Variants in NLGN2 observed in about 807,000 individuals in gnomAD.
NLGN2 encodes the protein neuroligin 2.
Under a neutral mutation model 48.6 loss-of-function variants are expected in NLGN2, and 11 were observed. The ratio of observed to expected loss-of-function variants is 0.23; its 90% CI spans 0.14 to 0.37. The LOEUF (loss-of-function observed/expected upper bound fraction) is 0.37, where lower values mean the gene tolerates loss of function less well. Ranked by LOEUF, NLGN2 falls within the 10% of genes least tolerant of loss-of-function variation. The probability of loss-of-function intolerance (pLI) is 1.00; values close to 1 mark genes in which losing one functional copy is unlikely to be tolerated. For missense variants in NLGN2, 801 were observed against 1,225.2 expected, an observed-to-expected ratio of 0.65 and a Z score of 5.17; for synonymous variants, 548 against 550.0, an observed-to-expected ratio of 1.00 and a Z score of 0.05.
chr17:7,415,709 C>T lies in NLGN2; in HGVS notation c.1236C>T (p.Asn412=), dbSNP rs144434883. The T allele has an allele frequency of 1.1e-4, 170 of 1,614,264 alleles. No homozygotes were observed. Among genetic ancestry groups the T allele is most frequent in the Non-Finnish European group, 1.4e-4 (165 of 1,180,052 alleles). The part of the protein sequence containing the change: ...SASAFDFTVS[N]FVDNLYGYPE... ...GCGCCTTTGACTTCACTGTCTCCAA[C>T]TTTGTGGACAACCTGTATGGCTACC... Residue 412 remains asparagine, a synonymous_variant, in exon 6 of 7, where the codon AAC becomes AAT. Transcript: ENST00000302926.
Position 7,408,196 on chromosome 17 carries a change from C to A in NLGN2, c.-60C>A, listed in dbSNP as rs1432471264. 4.2e-6 allele frequency: 4 copies of A among 960,592 alleles called. No individual in the cohort carries two copies. The highest frequency in any genetic ancestry group is 6.7e-5 in the East Asian group (2 of 29,718). 59.5% of individuals were successfully genotyped at this position (960,592 alleles called of 1,614,324 possible). On this transcript the variant is annotated 5_prime_UTR_variant, in exon 1 of 7. Transcript: ENST00000302926. The surrounding 1 kb of genome is among the most constrained non-coding windows in gnomAD (Gnocchi z 7.5). ...GGGGGGCCTCCCTCCCTCTCCCCCC[C>A]TTCTCTCTCTCTCCGAGGGGGGGGG...
chr17:7,410,244 G>A (rs1205750472), intron 1 of NLGN2, among the ~76,000 whole-genome samples: 2 of 141,146 alleles, frequency 1.4e-5, no homozygotes, highest in Non-Finnish European at 3.0e-5. Flanking sequence ...CCAATACCTC[G>A]CAAATGGACC....
Position 7,408,330 on chromosome 17 carries a change from CCCG to C in NLGN2, c.76_78del (p.Pro26del). 1 of 1,417,666 alleles carries C rather than the reference CCCG, an allele frequency of 7.1e-7. No individual in the cohort carries two copies. Among genetic ancestry groups the C allele is most frequent in the Non-Finnish European group, 9.1e-7 (1 of 1,093,932 alleles). The allele number at this position is 1,417,666 out of a possible 1,614,324, so 87.8% of individuals were successfully genotyped here. On this transcript the variant is annotated inframe_deletion, in exon 1 of 7. Coordinates refer to ENST00000302926, the MANE Select transcript of NLGN2 (RefSeq NM_020795.4). The surrounding 1 kb of genome is among the most constrained non-coding windows in gnomAD (Gnocchi z 7.5). ...GGGGAGGGGGTCCCGGCGGCGGCGC[CCCG>C]GGCGGCCCCGGCCTGGGCCTCGGCA...
chr17:7,414,205 C>A lies in NLGN2; in HGVS notation c.509-139C>A, dbSNP rs1567661300. The A allele has an allele frequency of 5.4e-6, 4 of 738,036 alleles. No homozygotes were observed. In the Admixed American group the frequency reaches 8.7e-5, roughly 16 times the overall value. The allele number at this position is 738,036 out of a possible 1,614,324, so 45.7% of individuals were successfully genotyped here. A position where few individuals can be genotyped will look rare whatever the true frequency, so the allele number is the denominator to read the frequency against. On this transcript the variant is annotated intron_variant, in intron 2 of 6. Transcript: ENST00000302926. ...GGGAGGAGGGGAATCCGGTCTTGCCCCCCAGGGATGGGAGTGACATGTCCC... is the reference window on the plus strand; with the variant it reads ...GGGAGGAGGGGAATCCGGTCTTGCCACCCAGGGATGGGAGTGACATGTCCC...
upstream of NLGN2, among the ~76,000 whole-genome samples, chr17:7,405,892 AG>A (rs916897744): frequency 6.6e-6 from 1 of 152,174 alleles, no homozygotes; most frequent in African/African-American, 2.4e-5. The surrounding 1 kb of genome is among the most constrained non-coding windows in gnomAD (Gnocchi z 6.8). Flanking sequence ...CACTGCAGGA[AG>A]GGGGGGCCTG....
rs992009422 is a variant in NLGN2, at chr17:7,411,895, C to A, written c.458-262C>A. On this transcript the variant is annotated intron_variant, in intron 1 of 6. Coordinates refer to ENST00000302926, the MANE Select transcript of NLGN2 (RefSeq NM_020795.4). The surrounding 1 kb of genome is among the most constrained non-coding windows in gnomAD (Gnocchi z 4.5). ...GGCCTCAGCCCACTCAGGCACCCCA[C>A]CCCCCCAAAACCAGCCTTTTCTTTG... is the stretch of plus-strand genomic sequence containing the variant. Among the ~76,000 whole-genome samples, 2 of 151,836 alleles carry A rather than the reference C, an allele frequency of 1.3e-5. No individual in the cohort carries two copies. Among genetic ancestry groups the A allele is most frequent in the Non-Finnish European group, 2.9e-5 (2 of 67,922 alleles).
Position 7,417,376 on chromosome 17 carries a change from T to G in NLGN2, c.2085T>G (p.Ala695=). Residue 695 remains alanine (A), a synonymous_variant, in exon 7 of 7, where the codon GCT becomes GCG. Coordinates refer to ENST00000302926, the MANE Select transcript of NLGN2 (RefSeq NM_020795.4). ...SLLFLNILAF[A]ALYYKRDRRQ... The stretch of plus-strand genomic sequence containing the variant: ...TCTTCCTCAACATCCTGGCCTTTGC[T>G]GCCCTCTACTACAAGCGGGACCGGC... The G allele has an allele frequency of 6.2e-7, 1 of 1,611,356 alleles. No homozygotes were observed. Among genetic ancestry groups the G allele is most frequent in the Non-Finnish European group, 8.5e-7 (1 of 1,179,110 alleles).
upstream of NLGN2, among the ~76,000 whole-genome samples, chr17:7,407,534 A>G (rs1224001565): frequency 6.6e-6 from 1 of 152,182 alleles, no homozygotes; most frequent in Non-Finnish European, 1.5e-5. Flanking sequence ...ATTAACACAT[A>G]TAAACAAACC....
intron 2 of NLGN2, among the ~76,000 whole-genome samples, chr17:7,412,731 A>T (rs1180519805): frequency 6.6e-6 from 1 of 152,030 alleles, no homozygotes; most frequent in African/African-American, 2.4e-5. Context: ...GAATTTGACA[A>T]TTTTTTAAAA....
chr17:7,405,826 G>A (rs1409948371), upstream of NLGN2, among the ~76,000 whole-genome samples: 1 of 152,046 alleles, frequency 6.6e-6, no homozygotes, highest in Non-Finnish European at 1.5e-5. The surrounding 1 kb of genome is among the most constrained non-coding windows in gnomAD (Gnocchi z 6.8). Context: ...CAGACCCCGT[G>A]TGTTCCCATC....
chr17:7,416,665 T>TG, intron 6 of NLGN2, among the ~76,000 whole-genome samples: 1 of 152,196 alleles, frequency 6.6e-6, no homozygotes, highest in Admixed American at 6.5e-5. Context: ...TCTCTGTGTG[T>TG]GTCCCTGCCC....
upstream of NLGN2, among the ~76,000 whole-genome samples, chr17:7,405,788 T>A (rs1316461324): frequency 6.6e-6 from 1 of 152,016 alleles, no homozygotes; most frequent in African/African-American, 2.4e-5. The surrounding 1 kb of genome is among the most constrained non-coding windows in gnomAD (Gnocchi z 6.8). Context: ...CTCTCTCCAG[T>A]CCATGAATGA....
rs1221894352 is a variant in NLGN2 at position 7,411,968 on chromosome 17, G to GT, written c.458-184dup. Among the ~76,000 whole-genome samples, 1 of 151,696 alleles carries GT rather than the reference G, an allele frequency of 6.6e-6. No individual in the cohort carries two copies. Among genetic ancestry groups the GT allele is most frequent in the Non-Finnish European group, 1.5e-5 (1 of 67,942 alleles). On this transcript the variant is annotated intron_variant, in intron 1 of 6. Coordinates refer to ENST00000302926, the MANE Select transcript of NLGN2 (RefSeq NM_020795.4). This position sits in a 1 kb window ranked among gnomAD's most constrained non-coding sequence, Gnocchi z 4.5. ...GGGAACAAAATTGGGTTGTAGAAACGTTTTTCTCTTTTCTTGGTTTCTTTT... is the reference window on the plus strand; with the variant it reads ...GGGAACAAAATTGGGTTGTAGAAACGTTTTTTCTCTTTTCTTGGTTTCTTTT...
At chr17:7,406,769 G>C (rs190383926), upstream of NLGN2, among the ~76,000 whole-genome samples, 6 of 152,100 alleles carry the variant, frequency 3.9e-5, no homozygotes, top group African/African-American at 1.4e-4. Context: ...TGTAGGGGGG[G>C]TGGCAAGGGG....
At chr17:7,412,249 G>A (rs1567660725) in intron 2 of NLGN2, 42 bp downstream of exon 2, 2 of 1,538,674 alleles carry the variant, frequency 1.3e-6, no homozygotes, top group Non-Finnish European at 1.8e-6. Context: ...TTGCTTATAA[G>A]AGGACATTCA....
At chr17:7,405,391 G>C (rs1349939877), upstream of NLGN2, 1 of 152,196 alleles carries the variant, frequency 6.6e-6, no homozygotes. The surrounding 1 kb of genome is among the most constrained non-coding windows in gnomAD (Gnocchi z 6.8). Flanking sequence ...GGCTCCCCCT[G>C]ATCCCATCCC....
Position 7,408,592 on chromosome 17 carries a change from G to A in NLGN2, c.337G>A (p.Ala113Thr), listed in dbSNP as rs766235412. 6.3e-7 allele frequency: 1 copy of A among 1,577,506 alleles called. No individual in the cohort carries two copies. The highest frequency in any genetic ancestry group is 1.2e-5 in the South Asian group (1 of 86,790). The change falls in exon 1 of 7, where the codon GCG (alanine) becomes ACG (threonine). Residue 113 changes from alanine to threonine, a missense_variant. Transcript: ENST00000302926. The surrounding 1 kb of genome is among the most constrained non-coding windows in gnomAD (Gnocchi z 7.5). ...PPACPQNLHG[A>T]LPAIMLPVWF... ...CGCCTGCCCGCAGAACCTGCACGGGGCGCTGCCCGCCATCATGCTGCCTGT... is the reference window on the plus strand; with the variant it reads ...CGCCTGCCCGCAGAACCTGCACGGGACGCTGCCCGCCATCATGCTGCCTGT...
In NLGN2 at chr17:7,416,906, C is replaced by T. The variant is rs1567662469; in HGVS notation, c.1635-20C>T. On this transcript the variant is annotated intron_variant, in intron 6 of 6. Coordinates refer to ENST00000302926, the MANE Select transcript of NLGN2 (RefSeq NM_020795.4). ...AGCCTTGCCCTCACTCCTCCTTTCC[C>T]TGCCCTCCTGTGCCCACAGGGACCC... is the stretch of plus-strand genomic sequence containing the variant. The T allele has an allele frequency of 1.2e-6, 2 of 1,612,670 alleles. No individual in the cohort carries two copies. The highest frequency in any genetic ancestry group is 3.3e-5 in the Admixed American group (2 of 59,858).
chr17:7,415,498 C>G lies in NLGN2; in HGVS notation c.1038-13C>G, dbSNP rs757613989. Reference sequence around the variant, plus strand: ...AGTGAGCAGGTGGTGAGACCCTGACCCCTTCTCCCCAGCTACCACATCGCC... The same window carrying G: ...AGTGAGCAGGTGGTGAGACCCTGACGCCTTCTCCCCAGCTACCACATCGCC... On this transcript the variant is annotated splice_polypyrimidine_tract_variant and intron_variant, in intron 5 of 6. Transcript: ENST00000302926. 6.2e-7 allele frequency: 1 copy of G among 1,610,918 alleles called. No individual in the cohort carries two copies. The highest frequency in any genetic ancestry group is 2.2e-5 in the East Asian group (1 of 44,866).
Sources: gnomAD v4.1 joint callset for allele counts (sites outside exome capture counted in the v4.1 genomes callset) on GRCh38, gnomAD v4.1.1 for gene constraint, Gnocchi (gnomAD v3.1) non-coding constraint, MANE v1.5 for transcripts, NCBI Gene and HGNC (gene_info 2026-07-23, HGNC 2026-07-21) for gene names.